Variants in MASP2 observed in about 807,000 individuals in gnomAD.
MASP2 encodes mannan-binding lectin serine protease 2.
Under a neutral mutation model 57.1 loss-of-function variants are expected in MASP2, and 49 were observed. The observed-to-expected ratio is 0.86, with a 90% CI of 0.68 to 1.09. MASP2 has a LOEUF of 1.09. Ranked by LOEUF, MASP2 falls within the 50% of genes least tolerant of loss-of-function variation. The probability of loss-of-function intolerance (pLI) is 0.00; values close to 1 mark genes in which losing one functional copy is unlikely to be tolerated. For missense variants in MASP2, 900 were observed against 874.8 expected, an observed-to-expected ratio of 1.03 and a Z score of -0.36; for synonymous variants, 379 against 340.8, an observed-to-expected ratio of 1.11 and a Z score of -1.24.
At chr1:11,035,417 C>T (rs564288856) in intron 7 of MASP2, among the ~76,000 whole-genome samples, 2 of 151,998 alleles carry the variant, frequency 1.3e-5, no homozygotes, top group South Asian at 4.2e-4. Flanking sequence ...ATCCCAGCTC[C>T]TCAGGAGGTT....
intron 4 of MASP2, among the ~76,000 whole-genome samples, chr1:11,044,593 G>A (rs1231326735): frequency 6.6e-6 from 1 of 152,122 alleles, no homozygotes; most frequent in African/African-American, 2.4e-5. Flanking sequence ...CTCAGCCTCT[G>A]GGGACCTGGA....
chr1:11,030,944 T>C, intron 8 of MASP2, 62 bp from the exon 9 acceptor site: 4 of 1,557,704 alleles, frequency 2.6e-6, no homozygotes, highest in South Asian at 2.4e-5. Context: ...TTTCCAAAGG[T>C]CTGGAGAAGC....
rs1021976885 is a variant in MASP2 at position 11,027,135 on chromosome 1, T to C, written c.1811A>G (p.Lys604Arg). The change falls in exon 11 of 11, where the codon AAG becomes AGG. Residue 604 changes from lysine to arginine, a missense_variant. Coordinates refer to ENST00000400897, the MANE Select transcript of MASP2 (RefSeq NM_006610.4). ...DHQKCTAAYE[K>R]PPYPRGSVTA... is the part of the protein sequence containing the mutation. ...TACACTTCCCCTTGGATAGGGTGGC[T>C]TTTCATATGCAGCAGTACATTTTTG... The C allele has an allele frequency of 6.2e-7, 1 of 1,612,954 alleles. No individual in the cohort carries two copies. The highest frequency in any genetic ancestry group is 1.3e-5 in the African/African-American group (1 of 74,874).
chr1:11,045,171 C>T, intron 4 of MASP2: 5 of 761,764 alleles, frequency 6.6e-6, no homozygotes, highest in Non-Finnish European at 1.2e-5. Flanking sequence ...CAGGTGGAAC[C>T]AGGTACACAG....
chr1:11,040,276 C>A (rs1433628368), intron 6 of MASP2, among the ~76,000 whole-genome samples: 1 of 152,000 alleles, frequency 6.6e-6, no homozygotes, highest in Admixed American at 6.6e-5. Context: ...CAAGACCATT[C>A]TGTCCAACAT....
intron 6 of MASP2, among the ~76,000 whole-genome samples, chr1:11,041,650 GGTAGA>G (rs1182663489): frequency 6.6e-6 from 1 of 150,840 alleles, no homozygotes; most frequent in Non-Finnish European, 1.5e-5. Flanking sequence ...ATGATGGGTA[GGTAGA>G]AGGATGAGTG....
Position 11,043,269 on chromosome 1 carries a change from C to T in MASP2, c.741+70G>A, listed in dbSNP as rs77718173. 1.2e-3 allele frequency: 1,691 copies of T among 1,373,368 alleles called. 3 individuals carry two copies. The highest frequency in any genetic ancestry group is 2.1e-3 in the Admixed American group (104 of 48,464). 85.1% of individuals were successfully genotyped at this position (1,373,368 alleles called of 1,614,324 possible). On this transcript the variant is annotated intron_variant, in intron 5 of 10. Coordinates refer to ENST00000400897, the MANE Select transcript of MASP2 (RefSeq NM_006610.4). ...CGGGAACGTGGTGGGGGCCATGCTG[C>T]AGGAAGTAGGGGGTGCAGCTGGGCT...
chr1:11,034,781 G>A (rs1041954846), intron 8 of MASP2, 47 bp downstream of exon 8: 1 of 1,256,610 alleles, frequency 8.0e-7, no homozygotes, highest in Non-Finnish European at 1.1e-6. Flanking sequence ...TAGCAGCAGA[G>A]GGAGTTCCGG....
chr1:11,030,701 T>C, intron 9 of MASP2, 47 bp downstream of exon 9: 1 of 1,541,920 alleles, frequency 6.5e-7, no homozygotes, highest in Non-Finnish European at 8.7e-7. Context: ...CCATGGGGGC[T>C]CAAGTTCCAA....
At chr1:11,041,421 T>TGGATGGAA (rs1638432165) in intron 6 of MASP2, among the ~76,000 whole-genome samples, 1 of 148,458 alleles carries the variant, frequency 6.7e-6, no homozygotes, top group African/African-American at 2.5e-5. Context: ...GATGGATGGA[T>TGGATGGAA]GGATGGATGG....
chr1:11,037,688 C>A lies in MASP2; in HGVS notation c.1008+5G>T. On this transcript the variant is annotated splice_donor_5th_base_variant and intron_variant, in intron 7 of 10. Coordinates refer to ENST00000400897, the MANE Select transcript of MASP2 (RefSeq NM_006610.4). ...TTGATCGTGGTGTACTTTGTTTTAA[C>A]TCACTTGCAGAAGCTCATAGCCAGT... The A allele has an allele frequency of 6.3e-7, 1 of 1,585,784 alleles. No homozygotes were observed. Among genetic ancestry groups the A allele is most frequent in the Non-Finnish European group, 8.6e-7 (1 of 1,161,576 alleles).
chr1:11,034,674 G>C (rs141169696), intron 8 of MASP2, among the ~76,000 whole-genome samples, 154 bp downstream of exon 8: 2 of 149,426 alleles, frequency 1.3e-5, no homozygotes, highest in African/African-American at 5.0e-5. Flanking sequence ...ACTCCAGTCT[G>C]GGCAACAGAG....
At chr1:11,043,078 G>T in intron 5 of MASP2, 56 bp from the exon 6 acceptor site, 1 of 1,582,040 alleles carries the variant, frequency 6.3e-7, no homozygotes, top group Non-Finnish European at 8.6e-7. Context: ...GGCCTGGGCC[G>T]GAGGGAAGTA....
At chr1:11,034,158 G>A (rs541769879) in intron 8 of MASP2, among the ~76,000 whole-genome samples, 2 of 147,196 alleles carry the variant, frequency 1.4e-5, no homozygotes, top group South Asian at 4.3e-4. Flanking sequence ...TGGGAGAATC[G>A]CTTGAACCCA....
At chr1:11,030,913 A>G in intron 8 of MASP2, 31 bp from the exon 9 acceptor site, 1 of 1,604,162 alleles carries the variant, frequency 6.2e-7, no homozygotes, top group Non-Finnish European at 8.5e-7. Flanking sequence ...GGAGGAATCC[A>G]TTGATCATTT....
chr1:11,030,485 A>G (rs1557667117), intron 9 of MASP2: 1 of 579,474 alleles, frequency 1.7e-6, no homozygotes, highest in Non-Finnish European at 3.0e-6. Context: ...TCAAGTGCTT[A>G]ATGATAAGGT....
chr1:11,036,089 G>A (rs1643884126), intron 7 of MASP2, among the ~76,000 whole-genome samples: 2 of 152,132 alleles, frequency 1.3e-5, no homozygotes, highest in Admixed American at 6.6e-5. Context: ...CATTCACAGG[G>A]AAACATTTTT....
rs1157367485 is a variant in MASP2 at position 11,045,554 on chromosome 1, G to A, written c.413-15C>T. Reference sequence around the variant, plus strand: ...CTCGTCAATGTCTGGGGGAGAGGCAGGGCCAGGCAGGCCGTCAGGAGGGAA... The same window carrying A: ...CTCGTCAATGTCTGGGGGAGAGGCAAGGCCAGGCAGGCCGTCAGGAGGGAA... On this transcript the variant is annotated splice_polypyrimidine_tract_variant and intron_variant, in intron 3 of 10. Coordinates refer to ENST00000400897, the MANE Select transcript of MASP2 (RefSeq NM_006610.4). 6.3e-7 allele frequency: 1 copy of A among 1,597,674 alleles called. No individual in the cohort carries two copies. The highest frequency in any genetic ancestry group is 1.7e-5 in the Admixed American group (1 of 59,388).
In MASP2 at chr1:11,041,407, G is replaced by C. The variant is rs534869038; in HGVS notation, c.889+1468C>G. Among the ~76,000 whole-genome samples the C allele has an allele frequency of 7.5e-3, 1,079 of 143,096 alleles. 42 individuals are homozygous for C. The highest frequency in any genetic ancestry group is 0.068 in the Admixed American group (995 of 14,550). 93.9% of individuals were successfully genotyped at this position (143,096 alleles called of 152,430 possible). ...GGATGGATGGATGGATGGATGAGTG[G>C]ATGGATGGATGGATGGATGGATGGA... On this transcript the variant is annotated intron_variant, in intron 6 of 10. Transcript: ENST00000400897.
Sources: allele counts gnomAD v4.1 joint callset (sites outside exome capture counted in the v4.1 genomes callset), GRCh38; gene constraint gnomAD v4.1.1; transcripts MANE v1.5; gene names NCBI Gene and HGNC (gene_info 2026-07-23, HGNC 2026-07-21).